The following SEZ6L variants were observed in gnomAD, a reference collection of about 807,000 sequenced individuals.
The protein encoded by SEZ6L is seizure 6-like protein.
Under a neutral mutation model 106.2 loss-of-function variants are expected in SEZ6L, and 37 were observed. The observed-to-expected ratio is 0.35, with a 90% CI of 0.27 to 0.46. The LOEUF (loss-of-function observed/expected upper bound fraction) is 0.46, where lower values mean the gene tolerates loss of function less well. Among genes scored for constraint, SEZ6L ranks in the 20% least tolerant of loss-of-function variants. SEZ6L has a pLI of 1.00. For synonymous variants in SEZ6L, 541 were observed against 570.4 expected (o/e 0.95, Z 0.73); for missense variants, 1,172 against 1,332.8 (o/e 0.88, Z 1.88).
chr22:26,264,719 C>A (rs1364292048), intron 1 of SEZ6L, among the ~76,000 whole-genome samples: 1 of 152,110 alleles, frequency 6.6e-6, no homozygotes, highest in Non-Finnish European at 1.5e-5. Flanking sequence ...AAAGCAGGAC[C>A]ATGTTCCAGT....
intron 9 of SEZ6L, among the ~76,000 whole-genome samples, chr22:26,332,509 C>T (rs984815726): frequency 4.0e-5 from 6 of 151,046 alleles, no homozygotes; most frequent in African/African-American, 1.5e-4. Flanking sequence ...TACAGTGGTG[C>T]AATCAAAGCT....
At chr22:26,263,938 C>G (rs2080097206) in intron 1 of SEZ6L, among the ~76,000 whole-genome samples, 1 of 152,206 alleles carries the variant, frequency 6.6e-6, no homozygotes, top group Non-Finnish European at 1.5e-5. Context: ...CTTTTTGCTT[C>G]CACCCTTAAT....
rs5761418 is a variant in SEZ6L, at chr22:26,224,902, C to T, written c.94+55139C>T. ...GAACTGCAACCACATGACTCTGCAG[C>T]CATCTGCAGTTCAGCTGGGCTATAA... On this transcript the variant is annotated intron_variant, in intron 1 of 16. Transcript: ENST00000248933. 5.5e-3 allele frequency among the ~76,000 whole-genome samples: 836 copies of T among 152,290 alleles called. 37 individuals are homozygous for T. In the East Asian group the frequency reaches 0.097, roughly 18 times the overall value.
At chr22:26,306,234 C>G (rs1364156986) in intron 6 of SEZ6L, 90 bp downstream of exon 6, 1 of 1,419,236 alleles carries the variant, frequency 7.0e-7, no homozygotes, top group Non-Finnish European at 9.6e-7. Flanking sequence ...ATGGCTGAAG[C>G]TTTGACCCTC....
rs202010195 is a variant in SEZ6L at position 26,373,475 on chromosome 22, C to T, written c.2819C>T (p.Ala940Val). The T allele has an allele frequency of 8.7e-5, 139 of 1,589,890 alleles. No homozygotes were observed. Among genetic ancestry groups the T allele is most frequent in the Non-Finnish European group, 1.1e-5 (13 of 1,169,746 alleles). Residue 940 changes from alanine (A) to valine (V), a missense_variant, in exon 14 of 17, where the codon GCT becomes GTT. Transcript: ENST00000248933. ...GTTAATCAAGACAGTTTTGAACATG[C>T]TTTAGAAGGTGAGTTCCAGAACGAA... ...CKVNQDSFEH[A>V]LEVAEAAAET...
intron 5 of SEZ6L, among the ~76,000 whole-genome samples, chr22:26,304,393 A>G (rs540036172): frequency 2.1e-5 from 3 of 141,342 alleles, no homozygotes; most frequent in African/African-American, 8.8e-5. Context: ...AGAAAGAAAG[A>G]AAGAAAGAAA....
chr22:26,320,745 A>G (rs1013634441), intron 9 of SEZ6L, among the ~76,000 whole-genome samples: 11 of 152,200 alleles, frequency 7.2e-5, no homozygotes, highest in Admixed American at 1.3e-4. Flanking sequence ...TCCTGAGAAC[A>G]GTAAAGTCTA....
At chr22:26,318,175 G>A (rs2082058820) in intron 9 of SEZ6L, among the ~76,000 whole-genome samples, 3 of 152,018 alleles carry the variant, frequency 2.0e-5, no homozygotes, top group African/African-American at 7.3e-5. Context: ...CTGGGTTCAA[G>A]CGATTCTCCT....
Position 26,347,972 on chromosome 22 carries a change from TCTTTTTTTGGTGGG to T in SEZ6L, c.2407+60_2407+73del, listed in dbSNP as rs2083066714. On this transcript the variant is annotated intron_variant, in intron 11 of 16. Coordinates refer to ENST00000248933, the MANE Select transcript of SEZ6L (RefSeq NM_021115.5). ...CTGGGTGGCAAATCCCTTCTAGGGA[TCTTTTTTTGGTGGG>T]TGCAGTGGAGCTGTTTAATGTAGAA... The T allele has an allele frequency of 2.1e-6, 3 of 1,425,152 alleles. No homozygotes were observed. The African/African-American group carries it at 4.4e-5, about 21-fold the overall frequency. The allele number at this position is 1,425,152 out of a possible 1,614,324, so 88.3% of individuals were successfully genotyped here. A position where few individuals can be genotyped will look rare whatever the true frequency, so the allele number is the denominator to read the frequency against.
chr22:26,299,017 C>T lies in SEZ6L; in HGVS notation c.1196C>T (p.Pro399Leu). Residue 399 changes from proline to leucine, a missense_variant, in exon 5 of 17, where the codon CCT becomes CTT. By Grantham distance (98) the Pro-to-Leu change is moderately conservative (BLOSUM62 -3). Around this residue, in one of 4 missense-constraint regions of SEZ6L, gnomAD observed 534 missense variants for 691.0 expected, o/e 0.77. Transcript: ENST00000248933. ...CTGAGCTGCAACTTTCCCCGCCGGC[C>T]TGACTCTGGGGATGTCACGGTGATG... Reference protein sequence around the residue: ...FMLSCNFPRRPDSGDVTVMDL... With the variant: ...FMLSCNFPRRLDSGDVTVMDL... The T allele has an allele frequency of 6.3e-7, 1 of 1,593,964 alleles. No homozygotes were observed. The highest frequency in any genetic ancestry group is 8.5e-7 in the Non-Finnish European group (1 of 1,170,520).
intron 1 of SEZ6L, among the ~76,000 whole-genome samples, chr22:26,264,221 G>A (rs2080105795): frequency 1.3e-5 from 2 of 152,242 alleles, no homozygotes; most frequent in Admixed American, 6.5e-5. Context: ...CTGCCTGGGA[G>A]GATGTGAATA....
chr22:26,348,590 A>AAGAGAAAGAAAGAAAGAAAGAAAGAAAG (rs1238927414), intron 11 of SEZ6L, among the ~76,000 whole-genome samples: 1 of 67,462 alleles, frequency 1.5e-5, no homozygotes, highest in Non-Finnish European at 2.4e-5. Context: ...AAGAAAGAGA[A>AAGAGAAAGAAAGAAAGAAAGAAAGAAAG]AGAAAGAAAG....
At chr22:26,255,514 C>T (rs1279264469) in intron 1 of SEZ6L, among the ~76,000 whole-genome samples, 1 of 152,210 alleles carries the variant, frequency 6.6e-6, no homozygotes, top group Admixed American at 6.5e-5. Context: ...GTTTGTGAGC[C>T]TGAATCAAAA....
chr22:26,240,223 C>T (rs540871540), intron 1 of SEZ6L, among the ~76,000 whole-genome samples: 1 of 152,078 alleles, frequency 6.6e-6, no homozygotes, highest in East Asian at 1.9e-4. Flanking sequence ...TCTCATATAC[C>T]CTCTCTCCTC....
intron 1 of SEZ6L, among the ~76,000 whole-genome samples, chr22:26,190,459 G>A (rs951756222): frequency 1.3e-5 from 2 of 152,180 alleles, no homozygotes; most frequent in Admixed American, 6.5e-5. Flanking sequence ...GGTTAAGCAC[G>A]CTGACTTAAA....
chr22:26,366,090 G>T (rs548117890), intron 13 of SEZ6L, among the ~76,000 whole-genome samples: 1 of 152,228 alleles, frequency 6.6e-6, no homozygotes, highest in African/African-American at 2.4e-5. Flanking sequence ...CCAACACTTT[G>T]GGAGGCTGAT....
At chr22:26,216,628 C>T (rs557162476) in intron 1 of SEZ6L, among the ~76,000 whole-genome samples, 2 of 151,966 alleles carry the variant, frequency 1.3e-5, no homozygotes, top group South Asian at 2.1e-4. Flanking sequence ...TGCACTCCAG[C>T]CTTGGTGACA....
intron 14 of SEZ6L, 50 bp downstream of exon 14, chr22:26,373,533 C>T (rs372740728): frequency 7.1e-4 from 1,013 of 1,435,412 alleles, no homozygotes; most frequent in Non-Finnish European, 9.1e-4. Flanking sequence ...AAACTAATAG[C>T]ACAAAACAAG....
chr22:26,297,843 C>T lies in SEZ6L; in HGVS notation c.1162+763C>T, dbSNP rs372392957. 1.4e-4 allele frequency among the ~76,000 whole-genome samples: 21 copies of T among 151,506 alleles called. No homozygotes were observed. The East Asian group carries it at 3.7e-3, about 27-fold the overall frequency. On this transcript the variant is annotated intron_variant, in intron 4 of 16. Transcript: ENST00000248933. ...TTTTCCCTCCCTTCTCTCTCTCTCT[C>T]CTTTCCTAGTCCCCCTTTTCTTCCC...
Sources: allele counts gnomAD v4.1 joint callset (sites outside exome capture counted in the v4.1 genomes callset), GRCh38; gene constraint gnomAD v4.1.1; regional missense constraint gnomAD v4.1.1; transcripts MANE v1.5; gene names NCBI Gene and HGNC (gene_info 2026-07-23, HGNC 2026-07-21).